C2CD2: variants seen among roughly 807,000 people sequenced by gnomAD.
C2CD2 encodes the protein C2 domain-containing protein 2.
Under a neutral mutation model 74.3 loss-of-function variants are expected in C2CD2, and 43 were observed. That is an observed-to-expected ratio of 0.58 (90% CI 0.45 to 0.75). The LOEUF (loss-of-function observed/expected upper bound fraction) is 0.75. Among genes scored for constraint, C2CD2 ranks in the 30% least tolerant of loss-of-function variants. C2CD2 has a pLI of 0.00. For synonymous variants in C2CD2, 422 were observed against 390.7 expected, an observed-to-expected ratio of 1.08 and a Z score of -0.94; for missense variants, 801 against 916.3, an observed-to-expected ratio of 0.87 and a Z score of 1.63.
intron 8 of C2CD2, 61 bp downstream of exon 8, chr21:41,909,398 G>A (rs1394445577): frequency 1.8e-5 from 20 of 1,136,002 alleles, no homozygotes; most frequent in South Asian, 8.6e-5. Context: ...TCCTGAGGCC[G>A]AGGTCATGCA....
At position 41,951,362 on chromosome 21, in the gene C2CD2, C is replaced by A. The variant is rs1159038340; in HGVS notation, c.279+2008G>T. On this transcript the variant is annotated intron_variant, in intron 1 of 13. Transcript: ENST00000380486. ...GGCATCAGGGCTGTGTTCCCCCACC[C>A]CCGTCCCCAGGAAAGTAAGCAATAC... 2.7e-5 allele frequency among the ~76,000 whole-genome samples: 4 copies of A among 150,386 alleles called. No homozygotes were observed. In the South Asian group the frequency reaches 8.5e-4, roughly 32 times the overall value.
In C2CD2 at chr21:41,906,982, G is replaced by A. The variant is rs1426593865; in HGVS notation, c.1318+10C>T. 8 of 1,610,000 alleles carry A rather than the reference G, an allele frequency of 5.0e-6. No individual in the cohort carries two copies. In the Admixed American group the frequency reaches 1.3e-4, roughly 27 times the overall value. On this transcript the variant is annotated intron_variant, in intron 10 of 13. Transcript: ENST00000380486. Reference sequence around the variant, plus strand: ...CAGAAAGTTCCTCGACTGCGTTCCTGTTGTCTCACCAGAGCTCAGCGGGGA... The same window carrying A: ...CAGAAAGTTCCTCGACTGCGTTCCTATTGTCTCACCAGAGCTCAGCGGGGA...
At chr21:41,915,315 C>T (rs991529534) in intron 5 of C2CD2, among the ~76,000 whole-genome samples, 2 of 152,170 alleles carry the variant, frequency 1.3e-5, no homozygotes, top group Admixed American at 1.3e-4. Flanking sequence ...CAATAGACAC[C>T]ACATCACATC....
intron 13 of C2CD2, chr21:41,894,670 G>C (rs1284316207): frequency 2.2e-6 from 1 of 456,790 alleles, no homozygotes; most frequent in South Asian, 1.5e-5. Flanking sequence ...CTCCAGAGAG[G>C]CATGCAGGGG....
chr21:41,907,900 CG>C, intron 8 of C2CD2, 116 bp from the exon 9 acceptor site: 1 of 1,018,664 alleles, frequency 9.8e-7, no homozygotes, highest in South Asian at 1.4e-5. Context: ...ATCCAGCCCA[CG>C]GGGAAGTGCT....
intron 2 of C2CD2, among the ~76,000 whole-genome samples, chr21:41,928,544 C>CAAAAAAAAAAA (rs59346777): frequency 3.5e-4 from 25 of 72,258 alleles, no homozygotes; most frequent in South Asian, 6.7e-4. Context: ...TAAAGCAAAG[C>CAAAAAAAAAAA]AAAAAAAAAA....
chr21:41,911,388 C>CTTTTTTT (rs58934224), intron 7 of C2CD2, among the ~76,000 whole-genome samples: 1 of 116,754 alleles, frequency 8.6e-6, no homozygotes, highest in Non-Finnish European at 1.8e-5. Context: ...TATCTCGATT[C>CTTTTTTT]TTTTTTTTTT....
chr21:41,896,628 G>A (rs146568083), intron 13 of C2CD2, among the ~76,000 whole-genome samples: 1 of 147,652 alleles, frequency 6.8e-6, no homozygotes, highest in African/African-American at 2.5e-5. Context: ...AACCTCAGGA[G>A]GATTCGAAAT....
At chr21:41,911,357 T>C (rs1407856469) in intron 7 of C2CD2, among the ~76,000 whole-genome samples, 1 of 151,856 alleles carries the variant, frequency 6.6e-6, no homozygotes, top group Non-Finnish European at 1.5e-5. Flanking sequence ...CCATTATTTA[T>C]GCATGGCCTA....
intron 2 of C2CD2, among the ~76,000 whole-genome samples, chr21:41,938,828 G>T (rs912001366): frequency 6.9e-6 from 1 of 145,962 alleles, no homozygotes; most frequent in Non-Finnish European, 1.5e-5. Flanking sequence ...TGCAACCTCC[G>T]CCTCCCAGGT....
intron 13 of C2CD2, among the ~76,000 whole-genome samples, chr21:41,893,698 CTTT>C (rs60305027): frequency 2.5e-5 from 3 of 122,090 alleles, no homozygotes; most frequent in African/African-American, 9.2e-5. Flanking sequence ...TGTTAAATTT[CTTT>C]TTTTTTTTTT....
chr21:41,937,112 C>T (rs1394025682), intron 2 of C2CD2, among the ~76,000 whole-genome samples: 1 of 146,054 alleles, frequency 6.8e-6, no homozygotes, highest in East Asian at 2.1e-4. Context: ...AGCCACCGCA[C>T]CCAGCATTTT....
Position 41,888,852 on chromosome 21 carries a change from C to G in C2CD2, c.*272G>C, listed in dbSNP as rs1177905111. The G allele has an allele frequency of 9.4e-6, 5 of 534,462 alleles. No individual in the cohort carries two copies. Among genetic ancestry groups the G allele is most frequent in the African/African-American group, 1.9e-5 (1 of 52,662 alleles). 33.1% of individuals were successfully genotyped at this position (534,462 alleles called of 1,614,324 possible). A position where few individuals can be genotyped will look rare whatever the true frequency, so the allele number is the denominator to read the frequency against. On this transcript the variant is annotated 3_prime_UTR_variant, in exon 14 of 14. Transcript: ENST00000380486. The stretch of plus-strand genomic sequence containing the variant: ...TGTTAATCTCCTTCTAATATTGAAC[C>G]CTAACCCTTAGCTATGAGCACAGCC...
intron 1 of C2CD2, among the ~76,000 whole-genome samples, chr21:41,946,142 G>C (rs2065395818): frequency 1.3e-5 from 2 of 152,188 alleles, no homozygotes; most frequent in Admixed American, 6.5e-5. Flanking sequence ...AACTGCACCT[G>C]CGCCATCACT....
At chr21:41,910,664 C>T (rs2065016248) in intron 7 of C2CD2, among the ~76,000 whole-genome samples, 1 of 151,950 alleles carries the variant, frequency 6.6e-6, no homozygotes, top group South Asian at 2.1e-4. Context: ...CAGCTGTCAT[C>T]TTTTCATTCA....
Position 41,887,495 on chromosome 21 carries a change from T to C in C2CD2, c.*1629A>G, listed in dbSNP as rs889850362. The C allele has an allele frequency of 2.6e-5, 4 of 151,746 alleles. No individual in the cohort carries two copies. The highest frequency in any genetic ancestry group is 9.7e-5 in the African/African-American group (4 of 41,340). The allele number at this position is 151,746 out of a possible 1,614,324, so 9.4% of individuals were successfully genotyped here. On this transcript the variant is annotated 3_prime_UTR_variant, in exon 14 of 14. Transcript: ENST00000380486. ...TTTTGGTTTTTATACAGGTTTTTAC[T>C]AAAAAAGAAAAAAATCCTATAATTT...
intron 13 of C2CD2, among the ~76,000 whole-genome samples, chr21:41,889,745 G>A (rs888094080): frequency 6.6e-6 from 1 of 151,818 alleles, no homozygotes; most frequent in Non-Finnish European, 1.5e-5. Context: ...CGATTCTCCT[G>A]CCTCAGCCTC....
intron 13 of C2CD2, among the ~76,000 whole-genome samples, chr21:41,894,391 T>C (rs1170199135): frequency 6.6e-6 from 1 of 152,148 alleles, no homozygotes; most frequent in Non-Finnish European, 1.5e-5. Flanking sequence ...TTTGGAGAGG[T>C]GGCTGGCTGG....
In C2CD2 at chr21:41,899,378, G is replaced by A. The variant is rs771320793; in HGVS notation, c.1561-16C>T. 6.3e-7 allele frequency: 1 copy of A among 1,599,718 alleles called. No individual in the cohort carries two copies. On this transcript the variant is annotated splice_polypyrimidine_tract_variant and intron_variant, in intron 12 of 13. Transcript: ENST00000380486. This position sits in a 1 kb window ranked among gnomAD's most constrained non-coding sequence, Gnocchi z 4.4. ...ATAGTGAGGTCTGTCAGGGGCAGTGGGGAAGATGACAAGGGATACATGAAA... is the reference window on the plus strand; with the variant it reads ...ATAGTGAGGTCTGTCAGGGGCAGTGAGGAAGATGACAAGGGATACATGAAA...
Sources: gnomAD v4.1 joint callset for allele counts (sites outside exome capture counted in the v4.1 genomes callset) on GRCh38, gnomAD v4.1.1 for gene constraint, Gnocchi (gnomAD v3.1) non-coding constraint, MANE v1.5 for transcripts, NCBI Gene and HGNC (gene_info 2026-07-23, HGNC 2026-07-21) for gene names.